Variants in BLTP3A observed in about 807,000 individuals in gnomAD.
BLTP3A encodes the protein ICBP90 binding protein 1.
chr6:34,841,765 A>G, the BLTP3A span, among the ~76,000 whole-genome samples: 3 of 152,214 alleles, frequency 2.0e-5, no homozygotes, highest in African/African-American at 7.2e-5. Flanking sequence ...ATCAAACTGG[A>G]TGGCAAAGAT....
chr6:34,867,919 C>T, the BLTP3A span, among the ~76,000 whole-genome samples: 2 of 152,210 alleles, frequency 1.3e-5, no homozygotes, highest in African/African-American at 4.8e-5. Flanking sequence ...ACTATCTGAT[C>T]AGGGAACTTC....
At chr6:34,826,408 G>C in the BLTP3A span, among the ~76,000 whole-genome samples, 1 of 150,680 alleles carries the variant, frequency 6.6e-6, no homozygotes, top group East Asian at 1.9e-4. Context: ...ACCCAGGCTG[G>C]AGTGCGGTGG....
chr6:34,813,949 A>T, the BLTP3A span, among the ~76,000 whole-genome samples: 1 of 151,220 alleles, frequency 6.6e-6, no homozygotes, highest in African/African-American at 2.4e-5. Flanking sequence ...GGCTGAGCAA[A>T]CCTCCCCAAA....
the BLTP3A span, chr6:34,858,478 A>G: frequency 1.2e-6 from 2 of 1,614,158 alleles, no homozygotes; most frequent in Non-Finnish European, 1.7e-6. Context: ...CTTTGAGGGA[A>G]CAGAAAACTT....
the BLTP3A span, among the ~76,000 whole-genome samples, chr6:34,832,725 C>G: frequency 6.6e-6 from 1 of 151,234 alleles, no homozygotes; most frequent in Non-Finnish European, 1.5e-5. Flanking sequence ...GCTGGGATTA[C>G]AGGTGTGAGT....
chr6:34,824,897 C>T, the BLTP3A span, among the ~76,000 whole-genome samples: 1 of 152,086 alleles, frequency 6.6e-6, no homozygotes, highest in South Asian at 2.1e-4. Context: ...TCTCGAACTC[C>T]TGGCCTCAGG....
the BLTP3A span, among the ~76,000 whole-genome samples, chr6:34,820,364 C>G: frequency 6.6e-6 from 1 of 152,124 alleles, no homozygotes; most frequent in African/African-American, 2.4e-5. Flanking sequence ...ACTGCTCCAG[C>G]TCCTTGGGGT....
the BLTP3A span, chr6:34,858,152 G>A: frequency 1.1e-5 from 18 of 1,613,686 alleles, no homozygotes; most frequent in South Asian, 4.4e-5. Context: ...AAGAGAGAGC[G>A]GGCAGAGTTG....
At chr6:34,807,547 G>C in the BLTP3A span, among the ~76,000 whole-genome samples, 27 of 152,322 alleles carry the variant, frequency 1.8e-4, no homozygotes, top group Admixed American at 1.5e-3. Context: ...GGCTACTGTT[G>C]CGAATTAAGA....
At chr6:34,855,995 C>T in the BLTP3A span, 1 of 915,092 alleles carries the variant, frequency 1.1e-6, no homozygotes, top group African/African-American at 1.8e-5. Context: ...AGAGCCTCTC[C>T]AGTAGTCCAT....
the BLTP3A span, among the ~76,000 whole-genome samples, chr6:34,831,128 ATTT>A: frequency 2.1e-5 from 3 of 142,578 alleles, no homozygotes; most frequent in African/African-American, 2.6e-5. Context: ...ATCACTCTTA[ATTT>A]TTTTTTTTTT....
At chr6:34,857,735 A>C in the BLTP3A span, 1 of 1,613,904 alleles carries the variant, frequency 6.2e-7, no homozygotes, top group Non-Finnish European at 8.5e-7. Flanking sequence ...TCCTTGTCCT[A>C]ATCTCTACAT....
the BLTP3A span, among the ~76,000 whole-genome samples, chr6:34,840,810 G>T: frequency 2.8e-3 from 430 of 151,486 alleles, 4 homozygotes; most frequent in African/African-American, 9.8e-3. Flanking sequence ...TAGAGATGCA[G>T]TTTCACCGTA....
chr6:34,845,769 TG>T, the BLTP3A span, among the ~76,000 whole-genome samples: 1 of 151,626 alleles, frequency 6.6e-6, no homozygotes, highest in South Asian at 2.1e-4. Flanking sequence ...GCTAATTTTT[TG>T]TATTTTTTAG....
chr6:34,827,181 C>T, the BLTP3A span, among the ~76,000 whole-genome samples: 126 of 151,928 alleles, frequency 8.3e-4, 1 homozygote, highest in African/African-American at 3.0e-3. Flanking sequence ...CGTGGTGGCG[C>T]GTGCCTGTAG....
chr6:34,871,727 C>T, the BLTP3A span: 3 of 1,613,182 alleles, frequency 1.9e-6, no homozygotes, highest in South Asian at 1.1e-5. Context: ...GGTTTCTCTG[C>T]CTTTTCTCCT....
the BLTP3A span, among the ~76,000 whole-genome samples, chr6:34,830,433 T>A: frequency 6.6e-6 from 1 of 151,486 alleles, no homozygotes; most frequent in Non-Finnish European, 1.5e-5. Flanking sequence ...CTAAAAAAAA[T>A]AAAAAAATTA....
At chr6:34,800,198 A>G in the BLTP3A span, among the ~76,000 whole-genome samples, 26 of 152,344 alleles carry the variant, frequency 1.7e-4, no homozygotes, top group South Asian at 5.0e-3. Flanking sequence ...GCGTCTAAGA[A>G]GATAACATAT....
At chr6:34,873,760 G>GA in the BLTP3A span, 4 of 152,154 alleles carry the variant, frequency 2.6e-5, no homozygotes, top group African/African-American at 9.7e-5. Context: ...CATACTGAAG[G>GA]AAAGGTAAAA....
Sources: gnomAD v4.1 joint callset for allele counts (sites outside exome capture counted in the v4.1 genomes callset) on GRCh38, gnomAD v4.1.1 for gene constraint, MANE v1.5 for transcripts, NCBI Gene and HGNC (gene_info 2026-07-23, HGNC 2026-07-21) for gene names.